The following MAML2 variants were observed in gnomAD, a reference collection of about 807,000 sequenced individuals.
The protein encoded by MAML2 is mastermind like transcriptional coactivator 2, also known as mastermind-like protein 2.
In MAML2, 22 loss-of-function variants were observed where a neutral mutation model predicts 96.1. The ratio of observed to expected loss-of-function variants is 0.23; its 90% CI spans 0.16 to 0.33. MAML2 has a LOEUF of 0.33. Ranked by LOEUF, MAML2 falls within the 10% of genes least tolerant of loss-of-function variation. MAML2 has a pLI of 1.00. For missense variants in MAML2, 1,367 were observed against 1,392.4 expected (o/e 0.98, Z 0.29); for synonymous variants, 561 against 521.3 (o/e 1.08, Z -1.04).
chr11:96,135,544 GC>G (rs781499331), intron 1 of MAML2, among the ~76,000 whole-genome samples: 1 of 51,926 alleles, frequency 1.9e-5, no homozygotes, highest in Non-Finnish European at 4.1e-5. Flanking sequence ...CCAATCCAAG[GC>G]TTTTTTTTTT....
chr11:96,166,870 G>T (rs114550601), intron 1 of MAML2, among the ~76,000 whole-genome samples: 1 of 152,252 alleles, frequency 6.6e-6, no homozygotes, highest in South Asian at 2.1e-4. Context: ...CTGCTCACCC[G>T]CTAAAGGCTA....
intron 1 of MAML2, among the ~76,000 whole-genome samples, chr11:96,293,273 T>C (rs1474465461): frequency 6.6e-6 from 1 of 152,174 alleles, no homozygotes; most frequent in Admixed American, 6.5e-5. Flanking sequence ...CAGTAAAGAT[T>C]TGGAGCATTT....
rs1590969439 is a variant in MAML2, at chr11:96,028,175, T to A, written c.2140-36452A>T. On this transcript the variant is annotated intron_variant, in intron 2 of 4. Coordinates refer to ENST00000524717, the MANE Select transcript of MAML2 (RefSeq NM_032427.4). ...GTATAAATGGTAAGTATTAGGTACT[T>A]CAGTCTGGACCTTGAAAGTTTTAAA... Among the ~76,000 whole-genome samples the A allele has an allele frequency of 2.0e-5, 3 of 152,350 alleles. No individual in the cohort carries two copies. The South Asian group carries it at 6.2e-4, about 32-fold the overall frequency.
chr11:96,216,416 G>C (rs1251307283), intron 1 of MAML2, among the ~76,000 whole-genome samples: 1 of 152,092 alleles, frequency 6.6e-6, no homozygotes, highest in Admixed American at 6.5e-5. Flanking sequence ...TTCTCATAAG[G>C]CTTTCCTCAA....
intron 2 of MAML2, among the ~76,000 whole-genome samples, chr11:96,051,424 G>C (rs1161847052): frequency 2.0e-5 from 3 of 151,996 alleles, no homozygotes; most frequent in African/African-American, 7.3e-5. Flanking sequence ...TAAGAATTCT[G>C]TGAAGTATGT....
At chr11:96,090,568 C>G (rs1359004261) in intron 2 of MAML2, among the ~76,000 whole-genome samples, 1 of 152,152 alleles carries the variant, frequency 6.6e-6, no homozygotes, top group East Asian at 1.9e-4. Context: ...AGTTCTACGA[C>G]TTGTTTTTAA....
chr11:96,319,530 T>C (rs1863675382), intron 1 of MAML2, among the ~76,000 whole-genome samples: 1 of 152,216 alleles, frequency 6.6e-6, no homozygotes, highest in Non-Finnish European at 1.5e-5. Flanking sequence ...TTTAAAATAA[T>C]AGCTCAATTT....
intron 2 of MAML2, among the ~76,000 whole-genome samples, chr11:96,070,643 C>T (rs1859331134): frequency 1.3e-5 from 2 of 152,274 alleles, no homozygotes; most frequent in Admixed American, 6.5e-5. Flanking sequence ...ACCCCGTGCT[C>T]GTTCACACAC....
rs747548958 is a variant in MAML2, at chr11:96,092,836, A to G, written c.1195T>C (p.Ser399Pro). Residue 399 changes from serine to proline, a missense_variant, in exon 2 of 5, where the codon TCC (serine) becomes CCC (proline). By Grantham distance (74) the Ser-to-Pro change is moderately conservative. Transcript: ENST00000524717. This position sits in a 1 kb window ranked among gnomAD's most constrained non-coding sequence, Gnocchi z 4.1. ...PAFSMANSALSTSSPIPSVPQ... is the reference protein window; with the variant it reads ...PAFSMANSALPTSSPIPSVPQ... ...ACTGAAGGGATTGGAGACGAAGTGG[A>G]GAGGGCAGAGTTGGCCATGGAGAAT... 3.1e-6 allele frequency: 5 copies of G among 1,608,528 alleles called. No individual in the cohort carries two copies. The highest frequency in any genetic ancestry group is 1.7e-5 in the Admixed American group (1 of 59,748).
chr11:96,268,777 G>C (rs1225198664), intron 1 of MAML2, among the ~76,000 whole-genome samples: 3 of 108,192 alleles, frequency 2.8e-5, no homozygotes, highest in Non-Finnish European at 3.7e-5. Flanking sequence ...CACACGATCT[G>C]TTGTCTGCCG....
chr11:96,149,910 G>C (rs1860892912), intron 1 of MAML2, among the ~76,000 whole-genome samples: 1 of 151,844 alleles, frequency 6.6e-6, no homozygotes, highest in Admixed American at 6.6e-5. Context: ...CTGTCTCTCT[G>C]TCTTTATTTG....
intron 2 of MAML2, among the ~76,000 whole-genome samples, chr11:96,060,313 T>C (rs141495450): frequency 2.0e-4 from 31 of 152,342 alleles, no homozygotes; most frequent in African/African-American, 7.0e-4. Context: ...AAACCAGTGA[T>C]GTTTCTAATA....
chr11:96,106,219 C>T (rs1260563642), intron 1 of MAML2, among the ~76,000 whole-genome samples: 1 of 152,122 alleles, frequency 6.6e-6, no homozygotes, highest in Admixed American at 6.5e-5. Flanking sequence ...GATTCTAATT[C>T]TTCATGTGTG....
At chr11:96,149,177 G>A (rs373517273) in intron 1 of MAML2, among the ~76,000 whole-genome samples, 1 of 152,206 alleles carries the variant, frequency 6.6e-6, no homozygotes, top group East Asian at 1.9e-4. Context: ...ACTTTGGGAG[G>A]CCGAGGTGGG....
intron 1 of MAML2, among the ~76,000 whole-genome samples, chr11:96,201,329 C>G (rs1018633721): frequency 6.6e-6 from 1 of 152,088 alleles, no homozygotes; most frequent in Non-Finnish European, 1.5e-5. Context: ...GTTTAATTGC[C>G]TAAAAGGACC....
At chr11:96,149,432 ATG>A (rs1860882909) in intron 1 of MAML2, among the ~76,000 whole-genome samples, 65 of 112,598 alleles carry the variant, frequency 5.8e-4, no homozygotes, top group East Asian at 1.4e-3. Flanking sequence ...AAAAAAAAAA[ATG>A]AGAAGTTAAG....
intron 1 of MAML2, among the ~76,000 whole-genome samples, chr11:96,272,188 T>C (rs1862925657): frequency 6.6e-6 from 1 of 152,186 alleles, no homozygotes; most frequent in Non-Finnish European, 1.5e-5. Flanking sequence ...ACTTGTGTTG[T>C]GTTGTGTTTT....
rs1181618491 is a variant in MAML2 at position 96,092,447 on chromosome 11, G to A, written c.1584C>T (p.Val528=). Residue 528 remains valine, a synonymous_variant, in exon 2 of 5, where the codon GTC becomes GTT. Coordinates refer to ENST00000524717, the MANE Select transcript of MAML2 (RefSeq NM_032427.4). The surrounding 1 kb of genome is among the most constrained non-coding windows in gnomAD (Gnocchi z 4.1). ...GATCCTGAGGCTTTTGCTGCATGAG[G>A]ACATCTAGGTGCCCACCCTGGGCTG... The part of the protein sequence containing the change: ...GPSAQGGHLD[V]LMQQKPQDLS... 6.2e-7 allele frequency: 1 copy of A among 1,613,560 alleles called. No individual in the cohort carries two copies. Among genetic ancestry groups the A allele is most frequent in the East Asian group, 2.2e-5 (1 of 44,870 alleles).
chr11:96,230,709 G>A (rs957132385), intron 1 of MAML2, among the ~76,000 whole-genome samples: 1 of 152,172 alleles, frequency 6.6e-6, no homozygotes, highest in Non-Finnish European at 1.5e-5. Flanking sequence ...GAGTCCCAAC[G>A]TTCTCTGATT....
Sources: allele counts gnomAD v4.1 joint callset (sites outside exome capture counted in the v4.1 genomes callset), GRCh38; gene constraint gnomAD v4.1.1; non-coding constraint Gnocchi (gnomAD v3.1); transcripts MANE v1.5; gene names NCBI Gene and HGNC (gene_info 2026-07-23, HGNC 2026-07-21).